The following BICRAL variants were observed in gnomAD, a reference collection of about 807,000 sequenced individuals.
The protein encoded by BICRAL is BRD4-interacting chromatin-remodeling complex-associated protein-like.
Under a neutral mutation model 91.8 loss-of-function variants are expected in BICRAL, and 8 were observed. That is an observed-to-expected ratio of 0.09 (90% CI 0.05 to 0.16). The LOEUF (loss-of-function observed/expected upper bound fraction) is 0.16, where lower values mean the gene tolerates loss of function less well. Among genes scored for constraint, BICRAL ranks in the 10% least tolerant of loss-of-function variants. BICRAL has a pLI of 1.00. For missense variants in BICRAL, 1,038 were observed against 1,310.9 expected, an observed-to-expected ratio of 0.79 and a Z score of 3.21; for synonymous variants, 445 against 491.1, an observed-to-expected ratio of 0.91 and a Z score of 1.24.
intron 6 of BICRAL, among the ~76,000 whole-genome samples, chr6:42,847,260 C>CAACAATG (rs926777893): frequency 6.6e-6 from 1 of 152,126 alleles, no homozygotes; most frequent in African/African-American, 2.4e-5. Context: ...AAAACAAAAA[C>CAACAATG]AACAATGAAT....
chr6:42,749,077 T>G (rs567790319), intron 1 of BICRAL, among the ~76,000 whole-genome samples: 66 of 152,288 alleles, frequency 4.3e-4, no homozygotes, highest in African/African-American at 1.5e-3. Flanking sequence ...TCTTGAAAAA[T>G]GAAAGAATTC....
At chr6:42,793,296 A>ATTTTTTTTTTTTTTTTTTTTTTTTTTTTT (rs35332872) in intron 1 of BICRAL, among the ~76,000 whole-genome samples, 1 of 22,970 alleles carries the variant, frequency 4.4e-5, no homozygotes, top group African/African-American at 1.9e-4. Flanking sequence ...GACCCAGCTA[A>ATTTTTTTTTTTTTTTTTTTTTTTTTTTTT]TTTTTTTTTT....
At chr6:42,747,286 C>G (rs1026735248) in intron 1 of BICRAL, among the ~76,000 whole-genome samples, 1 of 152,174 alleles carries the variant, frequency 6.6e-6, no homozygotes, top group South Asian at 2.1e-4. Flanking sequence ...ATGCTTCGCT[C>G]AGATCTGCGG....
Position 42,788,970 on chromosome 6 carries a change from C to T in BICRAL, c.-102+6869C>T, listed in dbSNP as rs1056980204. ...GCAGGTGATCAGTTCACCCAAAATTCGTGTTTTGCCCTGCAGGTTTGACAG... is the reference window on the plus strand; with the variant it reads ...GCAGGTGATCAGTTCACCCAAAATTTGTGTTTTGCCCTGCAGGTTTGACAG... On this transcript the variant is annotated intron_variant, in intron 1 of 12. Transcript: ENST00000314073. 2.6e-5 allele frequency among the ~76,000 whole-genome samples: 4 copies of T among 152,128 alleles called. No individual in the cohort carries two copies. The South Asian group carries it at 6.2e-4, about 24-fold the overall frequency.
At chr6:42,821,854 G>T (rs1047320295) in intron 2 of BICRAL, among the ~76,000 whole-genome samples, 164 bp from the exon 3 acceptor site, 1 of 152,096 alleles carries the variant, frequency 6.6e-6, no homozygotes, top group Non-Finnish European at 1.5e-5. Flanking sequence ...TCTCTCAAAT[G>T]ACCTCAAAAT....
intron 12 of BICRAL, among the ~76,000 whole-genome samples, chr6:42,863,160 T>G (rs534743414): frequency 6.6e-6 from 1 of 151,604 alleles, no homozygotes; most frequent in East Asian, 2.0e-4. Flanking sequence ...GCCATTCTCC[T>G]GCCTCAGCCT....
chr6:42,752,255 A>T (rs1762392084), intron 1 of BICRAL, among the ~76,000 whole-genome samples: 1 of 152,108 alleles, frequency 6.6e-6, no homozygotes, highest in Non-Finnish European at 1.5e-5. Context: ...AACTTTTTTC[A>T]TCATTGTACA....
chr6:42,833,290 C>T (rs1764547324), intron 6 of BICRAL, among the ~76,000 whole-genome samples: 1 of 152,076 alleles, frequency 6.6e-6, no homozygotes. Context: ...CCTCGTGATC[C>T]ACCTGCTTCA....
chr6:42,775,518 C>T (rs1458052541), intron 1 of BICRAL, among the ~76,000 whole-genome samples: 1 of 152,170 alleles, frequency 6.6e-6, no homozygotes, highest in African/African-American at 2.4e-5. Context: ...ACCTGGGAGC[C>T]AGTGAATGGC....
intron 5 of BICRAL, among the ~76,000 whole-genome samples, chr6:42,826,643 C>T (rs755797761): frequency 1.3e-5 from 2 of 152,026 alleles, no homozygotes; most frequent in Admixed American, 6.6e-5. Context: ...CCTTAGGTTC[C>T]CTTACTCTTT....
rs202055883 is a variant in BICRAL at position 42,857,194 on chromosome 6, G to T, written c.2212G>T (p.Val738Leu). 6.2e-7 allele frequency: 1 copy of T among 1,613,484 alleles called. No homozygotes were observed. Among genetic ancestry groups the T allele is most frequent in the Admixed American group, 1.7e-5 (1 of 59,944 alleles). ...GGTACAGAGACTGCTCTCCTACCAC[G>T]TGTGCCAGGGCTCCATGCCCACTGA... Reference protein sequence around the residue: ...DAVQRLLSYHVCQGSMPTEED... With the variant: ...DAVQRLLSYHLCQGSMPTEED... Residue 738 changes from valine to leucine, a missense_variant, in exon 10 of 13, where the codon GTG becomes TTG. Val to Leu is a conservative substitution (Grantham distance 32). This residue lies in a region of BICRAL where 294 missense variants were observed against 292.6 expected (regional missense o/e 1.00). Transcript: ENST00000314073.
At chr6:42,810,046 C>A (rs182643700) in intron 1 of BICRAL, among the ~76,000 whole-genome samples, 1 of 152,302 alleles carries the variant, frequency 6.6e-6, no homozygotes, top group African/African-American at 2.4e-5. Flanking sequence ...CTCAGCCTCC[C>A]AAAGTGGTGG....
chr6:42,751,097 A>T (rs1762372807), intron 1 of BICRAL, among the ~76,000 whole-genome samples: 1 of 149,988 alleles, frequency 6.7e-6, no homozygotes, highest in Admixed American at 6.7e-5. Flanking sequence ...TTTTATTTGA[A>T]TAAGGATCCA....
At chr6:42,764,537 TA>T (rs960307778) in intron 1 of BICRAL, among the ~76,000 whole-genome samples, 404 of 141,174 alleles carry the variant, frequency 2.9e-3, no homozygotes, top group Middle Eastern at 0.011. Flanking sequence ...GACTCTGTCT[TA>T]AAAAAAAAAA....
At chr6:42,860,399 G>A (rs1345502462) in intron 11 of BICRAL, 43 bp downstream of exon 11, 1 of 1,095,326 alleles carries the variant, frequency 9.1e-7, no homozygotes, top group Admixed American at 1.8e-5. Flanking sequence ...AAACTTTACA[G>A]GTCACAGCCA....
intron 1 of BICRAL, among the ~76,000 whole-genome samples, chr6:42,747,867 C>T (rs1445960245): frequency 7.1e-6 from 1 of 141,694 alleles, no homozygotes; most frequent in Non-Finnish European, 1.5e-5. Flanking sequence ...AGTGCAATGG[C>T]GCGATCTCGG....
intron 1 of BICRAL, among the ~76,000 whole-genome samples, chr6:42,774,081 G>C (rs1762778428): frequency 6.6e-6 from 1 of 152,270 alleles, no homozygotes; most frequent in South Asian, 2.1e-4. Context: ...AGGCAATTCT[G>C]TTTCTCTTTT....
intron 1 of BICRAL, among the ~76,000 whole-genome samples, chr6:42,794,411 C>CTGTGTGTGTGTG (rs67384767): frequency 1.4e-5 from 2 of 146,514 alleles, no homozygotes; most frequent in South Asian, 2.2e-4. Flanking sequence ...TTCACTTACT[C>CTGTGTGTGTGTG]TGTGTGTGTG....
chr6:42,829,548 A>C lies in BICRAL; in HGVS notation c.1215A>C (p.Thr405=). 2 of 1,614,214 alleles carry C rather than the reference A, an allele frequency of 1.2e-6. No individual in the cohort carries two copies. The highest frequency in any genetic ancestry group is 1.7e-6 in the Non-Finnish European group (2 of 1,180,034). The change falls in exon 6 of 13, where the codon ACA becomes ACC. Residue 405 remains threonine, a synonymous_variant. Coordinates refer to ENST00000314073, the MANE Select transcript of BICRAL (RefSeq NM_001393499.1). ...HAPQSQFLIP[T]SLSVSSNSVH... ...CCCAAAGTCAGTTCCTTATACCTAC[A>C]AGCCTTTCTGTCAGTTCCAACTCGG...
Sources: gnomAD v4.1 joint callset for allele counts (sites outside exome capture counted in the v4.1 genomes callset) on GRCh38, gnomAD v4.1.1 for gene constraint, gnomAD v4.1.1 regional missense constraint, MANE v1.5 for transcripts, NCBI Gene and HGNC (gene_info 2026-07-23, HGNC 2026-07-21) for gene names.